Variants in PZP observed in about 807,000 individuals in gnomAD.
PZP encodes the protein PZP alpha-2-macroglobulin like.
PZP carries 150 observed loss-of-function variants against 179.8 expected under a neutral mutation model. That is an observed-to-expected ratio of 0.83 (90% CI 0.73 to 0.96). The LOEUF is 0.96. Among genes scored for constraint, PZP ranks in the 40% least tolerant of loss-of-function variants. PZP has a pLI of 0.00. For missense variants in PZP, 1,689 were observed against 1,764.0 expected (o/e 0.96, Z 0.76); for synonymous variants, 624 against 652.3 (o/e 0.96, Z 0.66).
intron 25 of PZP, 88 bp from the exon 26 acceptor site, chr12:9,158,664 T>C: frequency 7.5e-7 from 1 of 1,342,002 alleles, no homozygotes; most frequent in Non-Finnish European, 1.0e-6. Flanking sequence ...CCCATCACAG[T>C]GTGCACCCAA....
chr12:9,149,562 T>C lies in PZP; in HGVS notation c.4425A>G (p.Thr1475=). ...TGGTCATAAGTGGTGAACTCTTACC[T>C]GTGCTGCAGGGGGCGATATACTCAG... ...VVAEYIAPCS[T]DTEHGNV Residue 1475 remains threonine (T), a splice_region_variant and synonymous_variant, in exon 35 of 36, where the codon ACA becomes ACG. Transcript: ENST00000261336. 6.2e-7 allele frequency: 1 copy of C among 1,612,572 alleles called. No homozygotes were observed. Among genetic ancestry groups the C allele is most frequent in the Non-Finnish European group, 8.5e-7 (1 of 1,179,128 alleles).
In PZP at chr12:9,194,082, C is replaced by G; in HGVS notation, c.1249G>C (p.Val417Leu). 6.2e-7 allele frequency: 1 copy of G among 1,612,652 alleles called. No individual in the cohort carries two copies. The highest frequency in any genetic ancestry group is 8.5e-7 in the Non-Finnish European group (1 of 1,179,166). The change falls in exon 11 of 36, where the codon GTC becomes CTC. Residue 417 changes from valine (V) to leucine (L), a missense_variant. By Grantham distance (32) the Val-to-Leu change is conservative (BLOSUM62 1). This residue lies in a region of PZP where 742 missense variants were observed against 730.5 expected (regional missense o/e 1.02). Transcript: ENST00000261336. Reference sequence around the variant, plus strand: ...ATTTGTCTTTCTATACTTACCCGGACAAAAAGTTTATTAACCGAGATACTG... The same window carrying G: ...ATTTGTCTTTCTATACTTACCCGGAGAAAAAGTTTATTAACCGAGATACTG... ...TTSISVNKLF[V>L]RVFTVHPNLC...
intron 31 of PZP, 141 bp from the exon 32 acceptor site, chr12:9,152,451 G>A: frequency 1.5e-6 from 1 of 658,700 alleles, no homozygotes; most frequent in Non-Finnish European, 2.7e-6. Flanking sequence ...CCCTGGACTT[G>A]TGCAACACTG....
chr12:9,201,215 G>A, intron 5 of PZP, 112 bp downstream of exon 5: 1 of 1,328,388 alleles, frequency 7.5e-7, no homozygotes, highest in Non-Finnish European at 1.1e-6. Flanking sequence ...GGGAGTAGGA[G>A]GAATTCAGAT....
At chr12:9,180,566 A>T (rs1385046363) in intron 15 of PZP, among the ~76,000 whole-genome samples, 10 of 152,178 alleles carry the variant, frequency 6.6e-5, no homozygotes, top group Non-Finnish European at 7.4e-5. Context: ...TCCCTATTTA[A>T]TAAATGGTGC....
At chr12:9,137,168 C>T in the PZP span, among the ~76,000 whole-genome samples, 38 of 152,208 alleles carry the variant, frequency 2.5e-4, no homozygotes, top group South Asian at 7.3e-3. Flanking sequence ...TCAGGCCTTA[C>T]TTTTATGTCT....
At chr12:9,164,730 C>T (rs1348995308) in intron 19 of PZP, among the ~76,000 whole-genome samples, 1 of 152,162 alleles carries the variant, frequency 6.6e-6, no homozygotes, top group African/African-American at 2.4e-5. Flanking sequence ...ACCACTATTA[C>T]ATAATTTACA....
chr12:9,191,071 T>C (rs769360360), intron 13 of PZP, among the ~76,000 whole-genome samples: 2 of 152,310 alleles, frequency 1.3e-5, no homozygotes, highest in Non-Finnish European at 2.9e-5. Flanking sequence ...TTGACTCAGC[T>C]ACTTTCAATA....
intron 28 of PZP, among the ~76,000 whole-genome samples, chr12:9,156,888 T>TA (rs1232268981): frequency 6.6e-6 from 1 of 152,066 alleles, no homozygotes; most frequent in East Asian, 1.9e-4. Flanking sequence ...GCACAGTTTT[T>TA]AAAAAAACTT....
intron 6 of PZP, 33 bp downstream of exon 6, chr12:9,200,859 T>C: frequency 1.3e-6 from 2 of 1,587,140 alleles, no homozygotes; most frequent in Non-Finnish European, 8.6e-7. Flanking sequence ...GGAACCAAAA[T>C]GTTATGCCTT....
chr12:9,147,463 C>T (rs1292750809), downstream of PZP, among the ~76,000 whole-genome samples: 1 of 152,122 alleles, frequency 6.6e-6, no homozygotes, highest in Non-Finnish European at 1.5e-5. Flanking sequence ...TGTTTTTTAG[C>T]CTCTCATAAG....
the PZP span, among the ~76,000 whole-genome samples, chr12:9,143,591 G>A: frequency 1.3e-5 from 2 of 152,138 alleles, no homozygotes; most frequent in South Asian, 2.1e-4. Flanking sequence ...ATCTTAGGTA[G>A]AAGAAAGCCT....
In PZP at chr12:9,153,361, A is replaced by T. The variant is rs202013224; in HGVS notation, c.3775-18T>A. The T allele has an allele frequency of 1.8e-5, 28 of 1,595,998 alleles. No homozygotes were observed. In the East Asian group the frequency reaches 6.3e-4, roughly 36 times the overall value. On this transcript the variant is annotated intron_variant, in intron 29 of 35. Transcript: ENST00000261336. ...ACTGTGTCCTGGAAGAGACGAGTGG[A>T]CAACCGCCCCAAAGAGTAAATTTTT...
intron 15 of PZP, among the ~76,000 whole-genome samples, chr12:9,178,220 G>A (rs144529958): frequency 2.0e-3 from 311 of 152,234 alleles, no homozygotes; most frequent in African/African-American, 7.2e-3. Flanking sequence ...CAATTCATAC[G>A]TTTTAAATTG....
chr12:9,171,304 C>A (rs1012615821), intron 15 of PZP, among the ~76,000 whole-genome samples: 1 of 152,112 alleles, frequency 6.6e-6, no homozygotes, highest in Middle Eastern at 3.2e-3. Context: ...AACAAACAAA[C>A]AGAAAACAAC....
rs188953325 is a variant in PZP at position 9,175,966 on chromosome 12, C to A, written c.1839+5017G>T. Among the ~76,000 whole-genome samples, 555 of 152,188 alleles carry A rather than the reference C, an allele frequency of 3.6e-3. 3 individuals carry two copies. Among genetic ancestry groups the A allele is most frequent in the Non-Finnish European group, 5.3e-3 (360 of 68,010 alleles). On this transcript the variant is annotated intron_variant, in intron 15 of 35. Transcript: ENST00000261336. ...AGCAATTCCATTACTGGGTGTATAG[C>A]CATAGGAATATAAATTATTCTGTTA...
downstream of PZP, among the ~76,000 whole-genome samples, chr12:9,145,574 GACTT>G (rs1939969358): frequency 6.6e-6 from 1 of 152,154 alleles, no homozygotes; most frequent in South Asian, 2.1e-4. Context: ...AAGTAAAAGT[GACTT>G]ACTAGCATTA....
chr12:9,186,020 A>G (rs148590911), intron 13 of PZP, among the ~76,000 whole-genome samples: 2 of 151,940 alleles, frequency 1.3e-5, no homozygotes, highest in South Asian at 2.1e-4. Flanking sequence ...GTTGGCCAGG[A>G]TGGTCTCGAT....
rs1401793200 is a variant in PZP at position 9,200,292 on chromosome 12, A to G, written c.755+72T>C. ...AAGTGCTGAGGCAAAGTAAATTTAT[A>G]ATTTTGTACCTACATAATCCCTCAA... On this transcript the variant is annotated intron_variant, in intron 7 of 35. Transcript: ENST00000261336. 13 of 1,019,994 alleles carry G rather than the reference A, an allele frequency of 1.3e-5. No homozygotes were observed. In the East Asian group the frequency reaches 3.1e-4, roughly 24 times the overall value. The allele number at this position is 1,019,994 out of a possible 1,614,324, so 63.2% of individuals were successfully genotyped here. A position where few individuals can be genotyped will look rare whatever the true frequency, so the allele number is the denominator to read the frequency against.
Sources: gnomAD v4.1 joint callset for allele counts (sites outside exome capture counted in the v4.1 genomes callset) on GRCh38, gnomAD v4.1.1 for gene constraint, gnomAD v4.1.1 regional missense constraint, MANE v1.5 for transcripts, NCBI Gene and HGNC (gene_info 2026-07-23, HGNC 2026-07-21) for gene names.